MYO7B: variants seen among roughly 807,000 people sequenced by gnomAD.
The protein encoded by MYO7B is unconventional myosin-VIIb.
In MYO7B, 212 loss-of-function variants were observed where a neutral mutation model predicts 259.7. The ratio of observed to expected loss-of-function variants is 0.82; its 90% CI spans 0.73 to 0.91. The LOEUF is 0.91. MYO7B is among the 40% of genes least tolerant of loss of function. MYO7B has a pLI of 0.00. For missense variants in MYO7B, 2,732 were observed against 2,813.5 expected (o/e 0.97, Z 0.66); for synonymous variants, 1,197 against 1,166.4 (o/e 1.03, Z -0.54).
intron 26 of MYO7B, among the ~76,000 whole-genome samples, chr2:127,619,319 G>A (rs1408255599): frequency 7.9e-6 from 1 of 126,656 alleles, no homozygotes; most frequent in Non-Finnish European, 1.7e-5. Context: ...GGGGCTGGTT[G>A]GGTTGTGGGG....
At chr2:127,579,445 G>A (rs1463623888) in intron 9 of MYO7B, among the ~76,000 whole-genome samples, 4 of 152,202 alleles carry the variant, frequency 2.6e-5, no homozygotes, top group Non-Finnish European at 5.9e-5. Flanking sequence ...CAGCCAGACT[G>A]CACACTTCGG....
chr2:127,605,758 G>A, intron 19 of MYO7B, 86 bp from the exon 20 acceptor site: 1 of 1,173,478 alleles, frequency 8.5e-7, no homozygotes, highest in Non-Finnish European at 1.2e-6. Context: ...CACTAACCCT[G>A]TTCCCTTCCA....
Position 127,565,714 on chromosome 2 carries a change from A to T in MYO7B, c.285+329A>T, listed in dbSNP as rs1678306802. 2.0e-5 allele frequency among the ~76,000 whole-genome samples: 3 copies of T among 152,228 alleles called. No individual in the cohort carries two copies. The South Asian group carries it at 6.2e-4, about 32-fold the overall frequency. On this transcript the variant is annotated intron_variant, in intron 4 of 47. Transcript: ENST00000409816. ...TGTTGTAGAGACAGAGTCACTAGACAGAAAGCCCCTGGCCTCCCAAGAGTG... is the reference window on the plus strand; with the variant it reads ...TGTTGTAGAGACAGAGTCACTAGACTGAAAGCCCCTGGCCTCCCAAGAGTG...
chr2:127,564,591 CAAGT>C (rs1239434867), intron 3 of MYO7B, among the ~76,000 whole-genome samples: 1 of 152,148 alleles, frequency 6.6e-6, no homozygotes, highest in African/African-American at 2.4e-5. Context: ...GCAAAATGCA[CAAGT>C]AAGAGGCCAG....
At chr2:127,581,635 C>T (rs895222192) in intron 10 of MYO7B, among the ~76,000 whole-genome samples, 9 of 152,162 alleles carry the variant, frequency 5.9e-5, no homozygotes, top group African/African-American at 1.7e-4. Context: ...CCCTCACCCT[C>T]ATTTTCCAAG....
At chr2:127,553,381 C>T (rs936836761) in intron 1 of MYO7B, among the ~76,000 whole-genome samples, 2 of 152,178 alleles carry the variant, frequency 1.3e-5, no homozygotes, top group African/African-American at 4.8e-5. Flanking sequence ...TGATTCTACC[C>T]ATCCATGAGC....
In MYO7B at chr2:127,636,858, A is replaced by G; in HGVS notation, c.6272A>G (p.His2091Arg). ...TGGAGCAGCGGCAGCACCTACTTCC[A>G]CATGGCGCTGGGGAGCCTGGGCCGT... ...SSWSSGSTYFHMALGSLGRGS... is the reference protein window; with the variant it reads ...SSWSSGSTYFRMALGSLGRGS... The change falls in exon 47 of 48, where the codon CAC (histidine) becomes CGC (arginine). Residue 2091 changes from histidine to arginine, a missense_variant. Transcript: ENST00000409816. The surrounding 1 kb of genome is among the most constrained non-coding windows in gnomAD (Gnocchi z 4.5). 6.2e-7 allele frequency: 1 copy of G among 1,611,914 alleles called. No individual in the cohort carries two copies. Among genetic ancestry groups the G allele is most frequent in the Non-Finnish European group, 8.5e-7 (1 of 1,179,342 alleles).
At chr2:127,631,101 G>T in intron 36 of MYO7B, 105 bp from the exon 37 acceptor site, 1 of 1,436,036 alleles carries the variant, frequency 7.0e-7, no homozygotes, top group Non-Finnish European at 9.3e-7. Flanking sequence ...CGGCAGGGTG[G>T]GGTGCTCTGG....
At chr2:127,589,196 T>G (rs1468486109) in intron 15 of MYO7B, among the ~76,000 whole-genome samples, 2 of 138,234 alleles carry the variant, frequency 1.4e-5, no homozygotes, top group Non-Finnish European at 3.1e-5. Flanking sequence ...GATGGGTGAA[T>G]GGATGGGTGG....
In MYO7B at chr2:127,634,656, G is replaced by A; in HGVS notation, c.5686G>A (p.Val1896Met). The A allele has an allele frequency of 1.2e-6, 2 of 1,611,576 alleles. No homozygotes were observed. The highest frequency in any genetic ancestry group is 1.7e-6 in the Non-Finnish European group (2 of 1,179,484). ...TTCCTTGAGGGAGGTGTCTGACTGG[G>A]TGAAGAAGAACAAGCCCCAGAAAGA... ...FDSLREVSDW[V>M]KKNKPQKEGA... The change falls in exon 42 of 48, where the codon GTG (valine) becomes ATG (methionine). Residue 1896 changes from valine to methionine, a missense_variant. By Grantham distance (21) the Val-to-Met change is conservative (BLOSUM62 1). This residue lies in a region of MYO7B where 821 missense variants were observed against 769.3 expected (regional missense o/e 1.07). Transcript: ENST00000409816.
In MYO7B at chr2:127,571,442, G is replaced by GTTTTTTTTTTTGTTTTTTTT. The variant is rs1553448472; in HGVS notation, c.592+1543_592+1544insGTTTTTTTTTTTTTTTTTTT. ...AATTGGTCTATTTCCTTACCAGTGA[G>GTTTTTTTTTTTGTTTTTTTT]TTTTTTTTTTTTTTTTTGCTTGTTT... On this transcript the variant is annotated intron_variant, in intron 6 of 47. Coordinates refer to ENST00000409816, the MANE Select transcript of MYO7B (RefSeq NM_001393586.1). Among the ~76,000 whole-genome samples the GTTTTTTTTTTTGTTTTTTTT allele has an allele frequency of 2.4e-4, 10 of 41,960 alleles. No homozygotes were observed. The South Asian group carries it at 5.0e-3, about 21-fold the overall frequency. The allele number at this position is 41,960 out of a possible 152,430, so 27.5% of individuals were successfully genotyped here. A position where few individuals can be genotyped will look rare whatever the true frequency, so the allele number is the denominator to read the frequency against.
chr2:127,612,606 C>A lies in MYO7B; in HGVS notation c.3398+3C>A. 4 of 1,609,866 alleles carry A rather than the reference C, an allele frequency of 2.5e-6. No homozygotes were observed. In the South Asian group the frequency reaches 3.3e-5, roughly 13 times the overall value. ...GCCATCCTGCGGCCCAGCCTCAGGT[C>A]AGTTCCCACTCCCATCCCGGCCCCA... On this transcript the variant is annotated splice_donor_region_variant and intron_variant, in intron 26 of 47. Transcript: ENST00000409816.
chr2:127,565,948 C>G (rs1678320677), intron 4 of MYO7B, among the ~76,000 whole-genome samples: 1 of 152,344 alleles, frequency 6.6e-6, no homozygotes, highest in East Asian at 1.9e-4. Context: ...CCTGCAGAAG[C>G]CACTGCCTGC....
chr2:127,543,325 CTT>C (rs375709944), intron 1 of MYO7B, among the ~76,000 whole-genome samples: 2 of 147,658 alleles, frequency 1.4e-5, no homozygotes, highest in African/African-American at 4.9e-5. Flanking sequence ...CCTTCAAGCA[CTT>C]TTTTTTTTTA....
chr2:127,632,697 A>G (rs904048110), intron 39 of MYO7B, among the ~76,000 whole-genome samples: 3 of 152,220 alleles, frequency 2.0e-5, no homozygotes, highest in African/African-American at 7.2e-5. Flanking sequence ...GCCCCAGCCC[A>G]GGCCCTCAAG....
At chr2:127,623,165 C>T in intron 28 of MYO7B, 37 bp from the exon 29 acceptor site, 8 of 1,609,868 alleles carry the variant, frequency 5.0e-6, no homozygotes, top group Non-Finnish European at 6.8e-6. Context: ...TCCATAGGTT[C>T]CAAGAGGCCA....
At chr2:127,588,772 ATGGATGGGTGGTGGG>A (rs1679408407) in intron 15 of MYO7B, among the ~76,000 whole-genome samples, 1 of 37,170 alleles carries the variant, frequency 2.7e-5, no homozygotes, top group African/African-American at 1.0e-4. Context: ...GGGTGAGTGG[ATGGATGGGTGGTGGG>A]TGGGTGGATG....
intron 7 of MYO7B, among the ~76,000 whole-genome samples, chr2:127,574,746 G>A (rs1394712822): frequency 2.6e-5 from 4 of 152,136 alleles, no homozygotes. Flanking sequence ...AGTGGCATGT[G>A]GCCTGTGTTG....
chr2:127,600,966 G>A (rs1043582998), intron 19 of MYO7B, among the ~76,000 whole-genome samples: 3 of 152,118 alleles, frequency 2.0e-5, no homozygotes, highest in African/African-American at 7.2e-5. Context: ...CTCTGTCTTA[G>A]CACTGCTTTA....
Sources: allele counts gnomAD v4.1 joint callset (sites outside exome capture counted in the v4.1 genomes callset), GRCh38; gene constraint gnomAD v4.1.1; regional missense constraint gnomAD v4.1.1; non-coding constraint Gnocchi (gnomAD v3.1); transcripts MANE v1.5; gene names NCBI Gene and HGNC (gene_info 2026-07-23, HGNC 2026-07-21).